Variants in NXPE2 observed in about 807,000 individuals in gnomAD.
NXPE2 encodes the protein neurexophilin and PC-esterase domain family member 2.
Under a neutral mutation model 34.4 loss-of-function variants are expected in NXPE2, and 34 were observed. That is an observed-to-expected ratio of 0.99 (90% CI 0.75 to 1.31). The LOEUF (loss-of-function observed/expected upper bound fraction) is 1.31. Among genes scored for constraint, NXPE2 ranks in the 40% most tolerant of loss-of-function variants. NXPE2 has a pLI of 0.00. For synonymous variants in NXPE2, 235 were observed against 231.3 expected (o/e 1.02, Z -0.15); for missense variants, 649 against 672.5 (o/e 0.97, Z 0.39).
At position 114,698,885 on chromosome 11, in the gene NXPE2, T is replaced by G; in HGVS notation, c.866+107T>G. On this transcript the variant is annotated intron_variant, in intron 3 of 5. Coordinates refer to ENST00000389586, the MANE Select transcript of NXPE2 (RefSeq NM_182495.6). Reference sequence around the variant, plus strand: ...TTTGTATCATGTCAATTATGTTGACTAAATTATAATTAGGTCCTCAGAGTC... The same window carrying G: ...TTTGTATCATGTCAATTATGTTGACGAAATTATAATTAGGTCCTCAGAGTC... The G allele has an allele frequency of 2.8e-6, 3 of 1,081,676 alleles. No homozygotes were observed. The African/African-American group carries it at 4.8e-5, about 17-fold the overall frequency. 67.0% of individuals were successfully genotyped at this position (1,081,676 alleles called of 1,614,324 possible).
At chr11:114,777,626 A>AGTT in the NXPE2 span, among the ~76,000 whole-genome samples, 1 of 152,252 alleles carries the variant, frequency 6.6e-6, no homozygotes, top group Non-Finnish European at 1.5e-5. Flanking sequence ...TTTTCTGATC[A>AGTT]GTTTTCCTCC....
the NXPE2 span, among the ~76,000 whole-genome samples, chr11:114,544,906 T>C: frequency 6.6e-6 from 1 of 152,200 alleles, no homozygotes; most frequent in African/African-American, 2.4e-5. Context: ...GTGCAAAAGA[T>C]CTGAATGGAC....
chr11:114,763,588 T>C, the NXPE2 span, among the ~76,000 whole-genome samples: 1 of 152,228 alleles, frequency 6.6e-6, no homozygotes, highest in Non-Finnish European at 1.5e-5. Context: ...TCTGAGATTC[T>C]AGGTGTCTCA....
chr11:114,532,290 C>A, the NXPE2 span, among the ~76,000 whole-genome samples: 1 of 152,216 alleles, frequency 6.6e-6, no homozygotes, highest in African/African-American at 2.4e-5. Flanking sequence ...AAAGACAAAT[C>A]ATTGGCAATG....
the NXPE2 span, among the ~76,000 whole-genome samples, chr11:114,651,872 G>GCCCA: frequency 6.6e-6 from 1 of 152,074 alleles, no homozygotes; most frequent in Non-Finnish European, 1.5e-5. Context: ...CGACCCAGAA[G>GCCCA]CCCAGCTGGC....
At chr11:114,761,925 A>G in the NXPE2 span, among the ~76,000 whole-genome samples, 1 of 152,178 alleles carries the variant, frequency 6.6e-6, no homozygotes. Flanking sequence ...AAACTGATTT[A>G]TTAAGTTTTT....
the NXPE2 span, among the ~76,000 whole-genome samples, chr11:114,670,597 C>A: frequency 1.3e-4 from 20 of 151,842 alleles, no homozygotes; most frequent in African/African-American, 4.8e-4. Context: ...GAGGCTGAGG[C>A]AGGAGGATCA....
the NXPE2 span, among the ~76,000 whole-genome samples, chr11:114,500,617 C>A: frequency 3.3e-5 from 5 of 152,056 alleles, no homozygotes; most frequent in African/African-American, 9.7e-5. Flanking sequence ...AGTTTTAATG[C>A]AGTTCATTTT....
chr11:114,774,115 C>T, the NXPE2 span, among the ~76,000 whole-genome samples: 3 of 152,224 alleles, frequency 2.0e-5, no homozygotes, highest in Non-Finnish European at 4.4e-5. Flanking sequence ...TCTCTCCTTA[C>T]TGACCAAACC....
chr11:114,694,458 C>A (rs1951211345), intron 2 of NXPE2, among the ~76,000 whole-genome samples: 1 of 152,110 alleles, frequency 6.6e-6, no homozygotes, highest in South Asian at 2.1e-4. Flanking sequence ...GCCCTCTGAG[C>A]TTCCTGGATC....
chr11:114,559,036 A>C, the NXPE2 span, among the ~76,000 whole-genome samples: 1 of 152,250 alleles, frequency 6.6e-6, no homozygotes, highest in East Asian at 1.9e-4. Flanking sequence ...CTGTAATATG[A>C]AGAGCTCTTA....
chr11:114,545,134 C>CTA, the NXPE2 span, among the ~76,000 whole-genome samples: 3 of 152,142 alleles, frequency 2.0e-5, no homozygotes, highest in African/African-American at 7.2e-5. Flanking sequence ...AATGGCACAG[C>CTA]TACTTTGAAA....
At chr11:114,522,480 C>A in the NXPE2 span, 3 of 1,601,068 alleles carry the variant, frequency 1.9e-6, no homozygotes, top group Admixed American at 1.7e-5. Flanking sequence ...ATTCCAGTTT[C>A]ATGAAGATCA....
chr11:114,551,224 A>C, the NXPE2 span: 5 of 1,485,900 alleles, frequency 3.4e-6, no homozygotes, highest in Non-Finnish European at 4.5e-6. Context: ...AGGAGAGATG[A>C]CACAAGAGAG....
downstream of NXPE2, among the ~76,000 whole-genome samples, chr11:114,709,665 G>A (rs1859572532): frequency 6.6e-6 from 1 of 152,152 alleles, no homozygotes; most frequent in Non-Finnish European, 1.5e-5. Flanking sequence ...CCAGCACTTT[G>A]GGAGCCAAGG....
At chr11:114,741,490 G>T in the NXPE2 span, among the ~76,000 whole-genome samples, 2 of 151,878 alleles carry the variant, frequency 1.3e-5, no homozygotes, top group Non-Finnish European at 2.9e-5. Flanking sequence ...AAATCCCATA[G>T]ACTTTCTTCA....
the NXPE2 span, among the ~76,000 whole-genome samples, chr11:114,476,705 T>C: frequency 2.6e-5 from 4 of 152,098 alleles, no homozygotes; most frequent in African/African-American, 9.7e-5. Context: ...TCTTGAGAAC[T>C]CACTGTCATG....
chr11:114,486,395 A>G, the NXPE2 span, among the ~76,000 whole-genome samples: 2 of 152,186 alleles, frequency 1.3e-5, no homozygotes, highest in Non-Finnish European at 2.9e-5. Context: ...TATTCTGGTT[A>G]TTAATGCCTT....
the NXPE2 span, among the ~76,000 whole-genome samples, chr11:114,632,480 A>C: frequency 7.9e-6 from 1 of 127,146 alleles, no homozygotes; most frequent in Middle Eastern, 4.3e-3. Flanking sequence ...ATACTATATA[A>C]TACTCCATAA....
Sources: allele counts gnomAD v4.1 joint callset (sites outside exome capture counted in the v4.1 genomes callset), GRCh38; gene constraint gnomAD v4.1.1; transcripts MANE v1.5; gene names NCBI Gene and HGNC (gene_info 2026-07-23, HGNC 2026-07-21).